Variants in DPP6 observed in about 807,000 individuals in gnomAD.
DPP6 encodes dipeptidyl peptidase like 6, also known as A-type potassium channel modulatory protein DPP6.
In DPP6, 69 loss-of-function variants were observed where a neutral mutation model predicts 122.6. The ratio of observed to expected loss-of-function variants is 0.56; its 90% CI spans 0.46 to 0.69. The LOEUF (loss-of-function observed/expected upper bound fraction) is 0.69, where lower values mean the gene tolerates loss of function less well. Among genes scored for constraint, DPP6 ranks in the 30% least tolerant of loss-of-function variants. DPP6 has a pLI of 0.00. For synonymous variants in DPP6, 418 were observed against 433.1 expected (o/e 0.97, Z 0.43); for missense variants, 928 against 1,116.9 (o/e 0.83, Z 2.41).
intron 1 of DPP6, among the ~76,000 whole-genome samples, chr7:154,390,338 C>G (rs866412568): frequency 1.3e-5 from 2 of 152,112 alleles, no homozygotes; most frequent in African/African-American, 4.8e-5. Flanking sequence ...TGTGCTCAAG[C>G]AGCACCTGCA....
intron 1 of DPP6, among the ~76,000 whole-genome samples, chr7:154,054,563 T>C (rs1362371925): frequency 6.6e-6 from 1 of 152,184 alleles, no homozygotes; most frequent in Non-Finnish European, 1.5e-5. Flanking sequence ...GTTTCCAGAC[T>C]CCCCTGGTTA....
intron 1 of DPP6, among the ~76,000 whole-genome samples, chr7:154,063,376 C>A (rs1175912509): frequency 4.5e-5 from 6 of 132,112 alleles, no homozygotes; most frequent in African/African-American, 1.1e-4. Context: ...TGGCACCCCC[C>A]ACGAGGGTGG....
At chr7:154,466,977 C>G (rs568922258) in intron 2 of DPP6, among the ~76,000 whole-genome samples, 1 of 152,296 alleles carries the variant, frequency 6.6e-6, no homozygotes, top group Non-Finnish European at 1.5e-5. Flanking sequence ...ACCCAAAGCA[C>G]AATTCATCTG....
chr7:153,901,123 C>T (rs1412751251), intron 1 of DPP6, among the ~76,000 whole-genome samples: 1 of 152,124 alleles, frequency 6.6e-6, no homozygotes, highest in Non-Finnish European at 1.5e-5. Flanking sequence ...TTTTCTTCTT[C>T]TTCTTCTATA....
At chr7:154,852,099 G>C (rs1802434391) in intron 16 of DPP6, among the ~76,000 whole-genome samples, 1 of 152,172 alleles carries the variant, frequency 6.6e-6, no homozygotes, top group South Asian at 2.1e-4. Flanking sequence ...CCTGGACTAG[G>C]GTGTCCACTC....
the DPP6 span, among the ~76,000 whole-genome samples, chr7:153,772,282 C>T: frequency 4.6e-5 from 7 of 152,188 alleles, no homozygotes; most frequent in Admixed American, 1.3e-4. Context: ...TGGTGTTTCA[C>T]CATGTTGGCC....
chr7:154,824,079 A>G (rs1799976264), intron 16 of DPP6, among the ~76,000 whole-genome samples: 1 of 152,186 alleles, frequency 6.6e-6, no homozygotes, highest in Non-Finnish European at 1.5e-5. Flanking sequence ...CTTAGTGGCT[A>G]TTGGTGAAAA....
intron 21 of DPP6, chr7:154,884,343 TA>T (rs1805878229): frequency 8.1e-6 from 1 of 123,080 alleles, no homozygotes. Flanking sequence ...TACATACGCC[TA>T]CTCACACACA....
chr7:154,320,548 A>G (rs1462217831), intron 1 of DPP6, among the ~76,000 whole-genome samples: 1 of 152,012 alleles, frequency 6.6e-6, no homozygotes, highest in Non-Finnish European at 1.5e-5. Context: ...CAGCAGTGCG[A>G]TCTCGGCTCA....
At chr7:154,382,874 C>T (rs1197401357) in intron 1 of DPP6, among the ~76,000 whole-genome samples, 3 of 152,120 alleles carry the variant, frequency 2.0e-5, no homozygotes, top group South Asian at 2.1e-4. Context: ...TACAGGCACG[C>T]ACCACCACGC....
At chr7:153,928,764 A>G (rs188764012) in intron 1 of DPP6, among the ~76,000 whole-genome samples, 5 of 152,132 alleles carry the variant, frequency 3.3e-5, no homozygotes, top group African/African-American at 1.2e-4. Flanking sequence ...TTTGCACCAT[A>G]GCAGACTTAC....
intron 1 of DPP6, among the ~76,000 whole-genome samples, chr7:153,936,031 T>C (rs1409657475): frequency 1.4e-5 from 2 of 147,530 alleles, no homozygotes; most frequent in Non-Finnish European, 3.1e-5. Context: ...TAATGTCACG[T>C]GAAGCCCTTA....
At position 154,892,701 on chromosome 7, in the gene DPP6, C is replaced by T. The variant is rs1263215517; in HGVS notation, c.*221C>T. On this transcript the variant is annotated 3_prime_UTR_variant, in exon 26 of 26. Coordinates refer to ENST00000377770, the MANE Select transcript of DPP6 (RefSeq NM_130797.4). ...CATGGCACCAGGGACAACGCTGTCC[C>T]CGCAGCAGCGCCTCCTCCCGGCGCC... 3.0e-6 allele frequency: 3 copies of T among 988,550 alleles called. No homozygotes were observed. Among genetic ancestry groups the T allele is most frequent in the Admixed American group, 3.5e-5 (2 of 57,178 alleles). 61.2% of individuals were successfully genotyped at this position (988,550 alleles called of 1,614,324 possible). A position where few individuals can be genotyped will look rare whatever the true frequency, so the allele number is the denominator to read the frequency against.
In DPP6 at chr7:154,269,408, AG is replaced by A. The variant is rs1803646895; in HGVS notation, c.244-176804del. Among the ~76,000 whole-genome samples the A allele has an allele frequency of 2.0e-5, 3 of 152,304 alleles. No individual in the cohort carries two copies. In the South Asian group the frequency reaches 6.2e-4, roughly 32 times the overall value. On this transcript the variant is annotated intron_variant, in intron 1 of 25. Coordinates refer to ENST00000377770, the MANE Select transcript of DPP6 (RefSeq NM_130797.4). ...GCCTGTGATAGCCTAGTGCGATGTC[AG>A]GTACGTAGTCAGTGGTCACTCAGCC...
At chr7:153,968,957 C>T (rs1795887730) in intron 1 of DPP6, 1 of 151,998 alleles carries the variant, frequency 6.6e-6, no homozygotes, top group Non-Finnish European at 1.5e-5. Flanking sequence ...TATGACTGAG[C>T]CATCCCATTG....
chr7:153,906,866 C>T (rs1046202005), intron 1 of DPP6, among the ~76,000 whole-genome samples: 4 of 152,180 alleles, frequency 2.6e-5, no homozygotes, highest in Admixed American at 6.5e-5. Flanking sequence ...AGTATTCCAT[C>T]GTGTATACGT....
Position 154,236,545 on chromosome 7 carries a change from T to C in DPP6, c.243+183482T>C, listed in dbSNP as rs1801224834. On this transcript the variant is annotated intron_variant, in intron 1 of 25. Coordinates refer to ENST00000377770, the MANE Select transcript of DPP6 (RefSeq NM_130797.4). ...GAAAGATTCTCTTCATTCTTTTGAATGATCAGTGTAATTGTACTTCTAGGG... is the reference window on the plus strand; with the variant it reads ...GAAAGATTCTCTTCATTCTTTTGAACGATCAGTGTAATTGTACTTCTAGGG... 2.0e-5 allele frequency among the ~76,000 whole-genome samples: 3 copies of C among 152,184 alleles called. No homozygotes were observed. The South Asian group carries it at 6.2e-4, about 32-fold the overall frequency.
At chr7:153,890,017 C>T (rs1799118954) in intron 1 of DPP6, among the ~76,000 whole-genome samples, 1 of 152,234 alleles carries the variant, frequency 6.6e-6, no homozygotes, top group Admixed American at 6.5e-5. Context: ...TTGCTAATCA[C>T]AGCCTCTCTT....
At chr7:154,595,446 C>T (rs1833038226) in intron 5 of DPP6, among the ~76,000 whole-genome samples, 1 of 152,102 alleles carries the variant, frequency 6.6e-6, no homozygotes, top group Non-Finnish European at 1.5e-5. Flanking sequence ...GTGAGTTAGA[C>T]CATGGATGAA....
Sources: gnomAD v4.1 joint callset for allele counts (sites outside exome capture counted in the v4.1 genomes callset) on GRCh38, gnomAD v4.1.1 for gene constraint, MANE v1.5 for transcripts, NCBI Gene and HGNC (gene_info 2026-07-23, HGNC 2026-07-21) for gene names.